The following PLEKHG3 variants were observed in gnomAD, a reference collection of about 807,000 sequenced individuals.
PLEKHG3 encodes pleckstrin homology domain-containing family G member 3.
A neutral mutation model predicts 94.9 loss-of-function variants in PLEKHG3; 62 were observed. The observed-to-expected ratio is 0.65, with a 90% CI of 0.53 to 0.81. The LOEUF (loss-of-function observed/expected upper bound fraction) is 0.81, where lower values mean the gene tolerates loss of function less well. Ranked by LOEUF, PLEKHG3 falls within the 30% of genes least tolerant of loss-of-function variation. PLEKHG3 has a pLI of 0.00. For synonymous variants in PLEKHG3, 614 were observed against 654.0 expected (o/e 0.94, Z 0.93); for missense variants, 1,461 against 1,619.3 (o/e 0.90, Z 1.68).
In PLEKHG3 at chr14:64,716,440, A is replaced by ACACACACG. The variant is rs1345206756; in HGVS notation, c.-39-11146_-39-11145insGCACACAC. Among the ~76,000 whole-genome samples the ACACACACG allele has an allele frequency of 1.7e-5, 2 of 116,114 alleles. No individual in the cohort carries two copies. Among genetic ancestry groups the ACACACACG allele is most frequent in the Non-Finnish European group, 3.7e-5 (2 of 53,756 alleles). The allele number at this position is 116,114 out of a possible 152,430, so 76.2% of individuals were successfully genotyped here. Reference sequence around the variant, plus strand: ...GAGAAGGTCATGTAGGGCCCTACACACACACACACACACACACACACACAC... The same window carrying ACACACACG: ...GAGAAGGTCATGTAGGGCCCTACACACACACACGCACACACACACACACACACACACAC... On this transcript the variant is annotated intron_variant, in intron 1 of 16. Transcript: ENST00000247226. This position sits in a 1 kb window ranked among gnomAD's most constrained non-coding sequence, Gnocchi z 5.0.
rs775347729 is a variant in PLEKHG3 at position 64,731,021 on chromosome 14, G to A, written c.718-17G>A. On this transcript the variant is annotated splice_polypyrimidine_tract_variant and intron_variant, in intron 6 of 16. Transcript: ENST00000247226. The surrounding 1 kb of genome is among the most constrained non-coding windows in gnomAD (Gnocchi z 6.1). ...GCCTTCGGGTCAGGGGCACCTAAGCGTCTATCTTCTGCGCAGGAAATTGCC... is the reference window on the plus strand; with the variant it reads ...GCCTTCGGGTCAGGGGCACCTAAGCATCTATCTTCTGCGCAGGAAATTGCC... 16 of 1,613,916 alleles carry A rather than the reference G, an allele frequency of 9.9e-6. No individual in the cohort carries two copies. Among genetic ancestry groups the A allele is most frequent in the African/African-American group, 2.7e-5 (2 of 74,938 alleles).
chr14:64,712,840 A>G (rs997488163), intron 1 of PLEKHG3, among the ~76,000 whole-genome samples: 1 of 152,204 alleles, frequency 6.6e-6, no homozygotes, highest in Non-Finnish European at 1.5e-5. Flanking sequence ...CTGGAACTCC[A>G]GTATCGAATA....
Position 64,738,092 on chromosome 14 carries a change from G to T in PLEKHG3, c.1405-650G>T. ...CTGGGCCGGAGCCCCCAGGCTCAGA[G>T]GAGGAGGAGGAGGAGCAGGAGGAGA... On this transcript the variant is annotated intron_variant, in intron 14 of 16. Transcript: ENST00000247226. The surrounding 1 kb of genome is among the most constrained non-coding windows in gnomAD (Gnocchi z 4.8). 7.9e-7 allele frequency: 1 copy of T among 1,270,106 alleles called. No homozygotes were observed. The highest frequency in any genetic ancestry group is 1.0e-6 in the Non-Finnish European group (1 of 973,740). The allele number at this position is 1,270,106 out of a possible 1,614,324, so 78.7% of individuals were successfully genotyped here. A position where few individuals can be genotyped will look rare whatever the true frequency, so the allele number is the denominator to read the frequency against.
chr14:64,741,824 T>A lies in PLEKHG3; in HGVS notation c.2307T>A (p.Pro769=), dbSNP rs1378264931. ...CCCGGCCAGACCCAGAGCCAGTACCTCCAGTGGGGAGCAAGAGACAGGTGG... is the reference window on the plus strand; with the variant it reads ...CCCGGCCAGACCCAGAGCCAGTACCACCAGTGGGGAGCAAGAGACAGGTGG... ...SLPRPDPEPV[P]PVGSKRQVGS... Residue 769 remains proline, a synonymous_variant, in exon 16 of 17, where the codon CCT becomes CCA. Transcript: ENST00000247226. 1.2e-6 allele frequency: 2 copies of A among 1,613,518 alleles called. No individual in the cohort carries two copies. The highest frequency in any genetic ancestry group is 1.7e-6 in the Non-Finnish European group (2 of 1,179,980).
chr14:64,738,050 A>C lies in PLEKHG3; in HGVS notation c.1404+675A>C. ...CTCTGGAGGACCTGACAGGGCATGA[A>C]GGCAACGAGAAGGGGGCTGGGCCGG... On this transcript the variant is annotated intron_variant, in intron 14 of 16. Transcript: ENST00000247226. The surrounding 1 kb of genome is among the most constrained non-coding windows in gnomAD (Gnocchi z 4.8). 1 of 1,295,140 alleles carries C rather than the reference A, an allele frequency of 7.7e-7. No individual in the cohort carries two copies. The highest frequency in any genetic ancestry group is 1.5e-5 in the African/African-American group (1 of 65,984). The allele number at this position is 1,295,140 out of a possible 1,614,324, so 80.2% of individuals were successfully genotyped here.
Position 64,747,460 on chromosome 14 carries a change from G to A in PLEKHG3, c.*3757G>A, listed in dbSNP as rs573876671. 191 of 152,784 alleles carry A rather than the reference G, an allele frequency of 1.3e-3. 1 individual carries two copies. Among genetic ancestry groups the A allele is most frequent in the Non-Finnish European group, 2.0e-3 (133 of 68,046 alleles). 9.5% of individuals were successfully genotyped at this position (152,784 alleles called of 1,614,324 possible). Reference sequence around the variant, plus strand: ...CCTGTATAGGGTCATATGTACCAAAGCCAAATGAAGACCTTGCTCACCAGG... The same window carrying A: ...CCTGTATAGGGTCATATGTACCAAAACCAAATGAAGACCTTGCTCACCAGG... On this transcript the variant is annotated 3_prime_UTR_variant, in exon 17 of 17. Coordinates refer to ENST00000247226, the MANE Select transcript of PLEKHG3 (RefSeq NM_001308147.2).
In PLEKHG3 at chr14:64,715,995, C is replaced by T. The variant is rs931794306; in HGVS notation, c.-40+11291C>T. 2 of 455,410 alleles carry T rather than the reference C, an allele frequency of 4.4e-6. No individual in the cohort carries two copies. The highest frequency in any genetic ancestry group is 4.0e-5 in the African/African-American group (2 of 50,054). The allele number at this position is 455,410 out of a possible 1,614,324, so 28.2% of individuals were successfully genotyped here. A position where few individuals can be genotyped will look rare whatever the true frequency, so the allele number is the denominator to read the frequency against. On this transcript the variant is annotated intron_variant, in intron 1 of 16. Coordinates refer to ENST00000247226, the MANE Select transcript of PLEKHG3 (RefSeq NM_001308147.2). This position sits in a 1 kb window ranked among gnomAD's most constrained non-coding sequence, Gnocchi z 4.4. The stretch of plus-strand genomic sequence containing the variant: ...GTGGCAGCTCGCTGCTCACCCCAAG[C>T]CTGTTAACTGCTAGGTTGCCGGTGC...
rs2081918782 is a variant in PLEKHG3 at position 64,749,951 on chromosome 14, C to T, written c.*6248C>T. 1.2e-6 allele frequency: 2 copies of T among 1,614,150 alleles called. No homozygotes were observed. The highest frequency in any genetic ancestry group is 4.5e-5 in the East Asian group (2 of 44,886). ...ACTAATGCCAAATCAAGCCATCAAC[C>T]CGAGCTTTCAAAGGCCAGGAAGGCC... On this transcript the variant is annotated 3_prime_UTR_variant, in exon 17 of 17. Coordinates refer to ENST00000247226, the MANE Select transcript of PLEKHG3 (RefSeq NM_001308147.2). The surrounding 1 kb of genome is among the most constrained non-coding windows in gnomAD (Gnocchi z 4.7).
rs1163019414 is a variant in PLEKHG3 at position 64,721,044 on chromosome 14, C to T, written c.-39-6549C>T. On this transcript the variant is annotated intron_variant, in intron 1 of 16. Coordinates refer to ENST00000247226, the MANE Select transcript of PLEKHG3 (RefSeq NM_001308147.2). The surrounding 1 kb of genome is among the most constrained non-coding windows in gnomAD (Gnocchi z 4.3). ...CAGGATAATCTTCCATCTTAAAATC[C>T]TTGATTTGATCACATCTGCCTTCTA... Among the ~76,000 whole-genome samples the T allele has an allele frequency of 1.3e-5, 2 of 152,214 alleles. No homozygotes were observed. Among genetic ancestry groups the T allele is most frequent in the Non-Finnish European group, 2.9e-5 (2 of 68,032 alleles).
In PLEKHG3 at chr14:64,743,861, A is replaced by G; in HGVS notation, c.*158A>G. The G allele has an allele frequency of 1.4e-6, 1 of 740,586 alleles. No homozygotes were observed. Among genetic ancestry groups the G allele is most frequent in the Non-Finnish European group, 2.1e-6 (1 of 479,440 alleles). 45.9% of individuals were successfully genotyped at this position (740,586 alleles called of 1,614,324 possible). A position where few individuals can be genotyped will look rare whatever the true frequency, so the allele number is the denominator to read the frequency against. On this transcript the variant is annotated 3_prime_UTR_variant, in exon 17 of 17. Transcript: ENST00000247226. The surrounding 1 kb of genome is among the most constrained non-coding windows in gnomAD (Gnocchi z 7.2). The stretch of plus-strand genomic sequence containing the variant: ...CTTCAGGAAGGATGCTCCCGTGTGC[A>G]GGGGTCTCCTGCCTGTGCCATCCAC...
In PLEKHG3 at chr14:64,735,192, G is replaced by C. The variant is rs545145692; in HGVS notation, c.1346-1661G>C. Among the ~76,000 whole-genome samples, 24 of 152,308 alleles carry C rather than the reference G, an allele frequency of 1.6e-4. No individual in the cohort carries two copies. The South Asian group carries it at 4.8e-3, about 30-fold the overall frequency. On this transcript the variant is annotated intron_variant, in intron 12 of 16. Transcript: ENST00000247226. Reference sequence around the variant, plus strand: ...GCCCCAGAGGCTGTGGGTTGCCATAGAGACAGCCTGTGTTTGGTGTGTCGT... The same window carrying C: ...GCCCCAGAGGCTGTGGGTTGCCATACAGACAGCCTGTGTTTGGTGTGTCGT...
At chr14:64,734,730 TTTCCTTCCTTCC>T (rs1235472969) in intron 12 of PLEKHG3, among the ~76,000 whole-genome samples, 3 of 136,492 alleles carry the variant, frequency 2.2e-5, no homozygotes, top group Non-Finnish European at 4.8e-5. Flanking sequence ...TCCTTCCTTC[TTTCCTTCCTTCC>T]TTCCTTCCTT....
intron 3 of PLEKHG3, among the ~76,000 whole-genome samples, chr14:64,729,935 T>C (rs907311406): frequency 1.4e-4 from 21 of 152,314 alleles, no homozygotes; most frequent in African/African-American, 4.8e-4. Context: ...TCTGCTTTTG[T>C]GTGTTTGACT....
chr14:64,737,323 G>C (rs770227713), intron 13 of PLEKHG3, 33 bp from the exon 14 acceptor site: 3 of 1,592,458 alleles, frequency 1.9e-6, no homozygotes, highest in Non-Finnish European at 2.6e-6. Context: ...CCCCTCGCCC[G>C]TGTGCTGGGG....
At position 64,742,224 on chromosome 14, in the gene PLEKHG3, C is replaced by G. The variant is rs1416589191; in HGVS notation, c.2707C>G (p.Leu903Val). The G allele has an allele frequency of 1.2e-6, 2 of 1,612,896 alleles. No homozygotes were observed. Among genetic ancestry groups the G allele is most frequent in the Non-Finnish European group, 1.7e-6 (2 of 1,179,952 alleles). Residue 903 changes from leucine (L) to valine (V), a missense_variant, in exon 16 of 17, where the codon CTG (leucine) becomes GTG (valine). Around this residue, in one of 3 missense-constraint regions of PLEKHG3, gnomAD observed 1,201 missense variants for 1,295.5 expected, o/e 0.93. Coordinates refer to ENST00000247226, the MANE Select transcript of PLEKHG3 (RefSeq NM_001308147.2). ...TACCCAGGGGGAGCTGGTGGCCCCA[C>G]TGCACCCCCGCATCGTGCAGCTCTC... Reference protein sequence around the residue: ...SSTQGELVAPLHPRIVQLSHV... With the variant: ...SSTQGELVAPVHPRIVQLSHV...
In PLEKHG3 at chr14:64,742,009, G is replaced by A; in HGVS notation, c.2492G>A (p.Gly831Glu). Residue 831 changes from glycine (G) to glutamate (E), a missense_variant, in exon 16 of 17, where the codon GGG (glycine) becomes GAG (glutamate). By Grantham distance (98) the Gly-to-Glu change is moderately conservative (BLOSUM62 -2). Around this residue, in one of 3 missense-constraint regions of PLEKHG3, gnomAD observed 1,201 missense variants for 1,295.5 expected, o/e 0.93. Transcript: ENST00000247226. ...TCTTCCGGAGGGAGCCCTGGGAAGG[G>A]GCCAGGCCAGGGCCAGGCCAATGGC... ...MESSGGSPGK[G>E]PGQGQANGFD... is the part of the protein sequence containing the mutation. 3 of 1,577,306 alleles carry A rather than the reference G, an allele frequency of 1.9e-6. No homozygotes were observed. Among genetic ancestry groups the A allele is most frequent in the East Asian group, 2.2e-5 (1 of 44,530 alleles).
Position 64,718,971 on chromosome 14 carries a change from C to T in PLEKHG3, c.-39-8622C>T, listed in dbSNP as rs9943995. On this transcript the variant is annotated intron_variant, in intron 1 of 16. Coordinates refer to ENST00000247226, the MANE Select transcript of PLEKHG3 (RefSeq NM_001308147.2). This position sits in a 1 kb window ranked among gnomAD's most constrained non-coding sequence, Gnocchi z 5.0. ...CTCTCCAGCTCCCAGTAGTACATGC[C>T]GTCTCTCCGTGTGGATCCCAGAGGA... Among the ~76,000 whole-genome samples, 10,511 of 152,164 alleles carry T rather than the reference C, an allele frequency of 0.069. 397 individuals are homozygous for T. Among genetic ancestry groups the T allele is most frequent in the Non-Finnish European group, 0.085 (5,807 of 67,972 alleles).
At chr14:64,713,749 C>T (rs2081094871) in intron 1 of PLEKHG3, among the ~76,000 whole-genome samples, 1 of 151,912 alleles carries the variant, frequency 6.6e-6, no homozygotes, top group South Asian at 2.1e-4. Flanking sequence ...TTGAAATTTG[C>T]ACCTTCCCCC....
At position 64,749,638 on chromosome 14, in the gene PLEKHG3, G is replaced by C. The variant is rs1364478653; in HGVS notation, c.*5935G>C. The C allele has an allele frequency of 1.2e-6, 2 of 1,613,392 alleles. No individual in the cohort carries two copies. The highest frequency in any genetic ancestry group is 3.3e-5 in the Admixed American group (2 of 60,006). On this transcript the variant is annotated 3_prime_UTR_variant, in exon 17 of 17. Transcript: ENST00000247226. The surrounding 1 kb of genome is among the most constrained non-coding windows in gnomAD (Gnocchi z 4.7). ...CCCCTTCTTAGCCAGGTCTGGGCTA[G>C]GCTGCCCGCGCTTACCTCATCCTTG...
Sources: gnomAD v4.1 joint callset for allele counts (sites outside exome capture counted in the v4.1 genomes callset) on GRCh38, gnomAD v4.1.1 for gene constraint, gnomAD v4.1.1 regional missense constraint, Gnocchi (gnomAD v3.1) non-coding constraint, MANE v1.5 for transcripts, NCBI Gene and HGNC (gene_info 2026-07-23, HGNC 2026-07-21) for gene names.